Variants in HIBCH observed in about 807,000 individuals in gnomAD.
HIBCH encodes 3-hydroxyisobutyryl-CoA hydrolase, mitochondrial.
In HIBCH, 50 loss-of-function variants were observed where a neutral mutation model predicts 58.2. The observed-to-expected ratio is 0.86, with a 90% confidence interval of 0.68 to 1.09. The LOEUF (loss-of-function observed/expected upper bound fraction) is 1.09, where lower values mean the gene tolerates loss of function less well. Among genes scored for constraint, HIBCH ranks in the 50% least tolerant of loss-of-function variants. The pLI, the probability that HIBCH is intolerant of heterozygous loss-of-function variation, is 0.00. For missense variants in HIBCH, 450 were observed against 449.7 expected (o/e 1.00, Z -0.01); for synonymous variants, 151 against 146.9 (o/e 1.03, Z -0.20).
rs527466122 is a variant in HIBCH at position 190,228,559 on chromosome 2, G to A, written c.892-15484C>T. Among the ~76,000 whole-genome samples the A allele has an allele frequency of 6.7e-3, 1,008 of 150,174 alleles. 11 individuals carry two copies. The highest frequency in any genetic ancestry group is 0.023 in the African/African-American group (914 of 40,218). ...AACTTAAAGTATAATTAAAAAAAAA[G>A]AGAGAGAGAGAACACAGACTGTTCT... is the stretch of plus-strand genomic sequence containing the variant. On this transcript the variant is annotated intron_variant, in intron 11 of 13. Transcript: ENST00000359678.
chr2:190,234,814 T>G (rs1686218259), intron 11 of HIBCH, among the ~76,000 whole-genome samples: 1 of 151,314 alleles, frequency 6.6e-6, no homozygotes, highest in South Asian at 2.1e-4. Context: ...CACTCCAGCC[T>G]GGGTGACAGA....
intron 6 of HIBCH, among the ~76,000 whole-genome samples, chr2:190,270,741 T>C (rs193211136): frequency 6.6e-6 from 1 of 152,360 alleles, no homozygotes; most frequent in East Asian, 1.9e-4. Context: ...TTTCTTAATG[T>C]ATCTCTGGGA....
At chr2:190,305,902 G>A (rs2124848414) in intron 2 of HIBCH, among the ~76,000 whole-genome samples, 1 of 152,180 alleles carries the variant, frequency 6.6e-6, no homozygotes, top group African/African-American at 2.4e-5. Context: ...GGCAACCACA[G>A]GTAAAATGGT....
chr2:190,267,610 T>C (rs1687278926), intron 6 of HIBCH, among the ~76,000 whole-genome samples: 1 of 152,256 alleles, frequency 6.6e-6, no homozygotes, highest in Non-Finnish European at 1.5e-5. Flanking sequence ...TATTGTTCAC[T>C]ATGGAACTCA....
chr2:190,317,447 A>C (rs994774856), intron 1 of HIBCH, among the ~76,000 whole-genome samples: 1 of 152,246 alleles, frequency 6.6e-6, no homozygotes, highest in African/African-American at 2.4e-5. Flanking sequence ...GCTTCCCAGC[A>C]AGTAGAACAG....
intron 6 of HIBCH, among the ~76,000 whole-genome samples, chr2:190,272,887 GC>G (rs1687441473): frequency 6.6e-6 from 1 of 151,960 alleles, no homozygotes; most frequent in African/African-American, 2.4e-5. Context: ...AAAAACAAGG[GC>G]TCTATCTAAT....
intron 10 of HIBCH, chr2:190,245,500 C>T (rs1686580471): frequency 6.5e-6 from 1 of 153,960 alleles, no homozygotes; most frequent in African/African-American, 2.4e-5. Flanking sequence ...AATCTTTTTG[C>T]TGTTCAGCTT....
chr2:190,247,402 T>C (rs1225373240), intron 9 of HIBCH, among the ~76,000 whole-genome samples: 1 of 152,192 alleles, frequency 6.6e-6, no homozygotes, highest in Non-Finnish European at 1.5e-5. Context: ...TATCAAATGC[T>C]CTGATAAAAA....
chr2:190,222,306 C>G (rs1685744438), intron 11 of HIBCH, among the ~76,000 whole-genome samples: 1 of 152,082 alleles, frequency 6.6e-6, no homozygotes, highest in African/African-American at 2.4e-5. Context: ...CCGGCTAGTC[C>G]TAGCACCTGT....
Position 190,254,658 on chromosome 2 carries a change from G to GCC in HIBCH, c.518-2353_518-2352dup, listed in dbSNP as rs1361145121. Among the ~76,000 whole-genome samples the GCC allele has an allele frequency of 2.0e-5, 3 of 152,232 alleles. No individual in the cohort carries two copies. Among genetic ancestry groups the GCC allele is most frequent in the African/African-American group, 7.2e-5 (3 of 41,536 alleles). ...AACTACACTGCTCCTTCCCTCATCA[G>GCC]CCTCATCCATCAAAGTAGCACAAGT... On this transcript the variant is annotated intron_variant, in intron 7 of 13. Coordinates refer to ENST00000359678, the MANE Select transcript of HIBCH (RefSeq NM_014362.4). The surrounding 1 kb of genome is among the most constrained non-coding windows in gnomAD (Gnocchi z 5.0).
chr2:190,263,977 C>T (rs911080321), intron 6 of HIBCH, among the ~76,000 whole-genome samples: 3 of 152,172 alleles, frequency 2.0e-5, no homozygotes, highest in Non-Finnish European at 2.9e-5. Flanking sequence ...ACCATCTACA[C>T]TATTACGACC....
Position 190,215,310 on chromosome 2 carries a change from T to C in HIBCH, c.892-2235A>G, listed in dbSNP as rs1338481007. The C allele has an allele frequency of 6.6e-6, 1 of 152,228 alleles. No individual in the cohort carries two copies. The highest frequency in any genetic ancestry group is 1.9e-4 in the East Asian group (1 of 5,192). 9.4% of individuals were successfully genotyped at this position (152,228 alleles called of 1,614,324 possible). ...GTCCTGCCAACTGAGCAGAAATTCC[T>C]AAATGCAGATCCTGGATGGGATAAC... On this transcript the variant is annotated intron_variant, in intron 11 of 13. Coordinates refer to ENST00000359678, the MANE Select transcript of HIBCH (RefSeq NM_014362.4). The surrounding 1 kb of genome is among the most constrained non-coding windows in gnomAD (Gnocchi z 4.4).
intron 6 of HIBCH, among the ~76,000 whole-genome samples, chr2:190,262,501 C>T (rs1012754520): frequency 6.6e-6 from 1 of 152,178 alleles, no homozygotes; most frequent in African/African-American, 2.4e-5. Flanking sequence ...GTCTTTGGGC[C>T]CCCAGTATAT....
downstream of HIBCH, among the ~76,000 whole-genome samples, chr2:190,199,296 T>C (rs1690126871): frequency 6.6e-6 from 1 of 152,146 alleles, no homozygotes; most frequent in African/African-American, 2.4e-5. Context: ...TCTGCTGTTG[T>C]AGTATGAACG....
chr2:190,220,160 G>GT (rs533491516), intron 11 of HIBCH: 1 of 152,176 alleles, frequency 6.6e-6, no homozygotes, highest in Admixed American at 6.5e-5. Flanking sequence ...ATCTATGATC[G>GT]TGACTTCAAC....
intron 9 of HIBCH, among the ~76,000 whole-genome samples, chr2:190,246,881 G>A (rs1425740906): frequency 2.0e-5 from 3 of 152,288 alleles, no homozygotes; most frequent in Non-Finnish European, 4.4e-5. Context: ...CAAAGTATAA[G>A]AGGGTTCTGC....
intron 1 of HIBCH, among the ~76,000 whole-genome samples, chr2:190,195,401 G>A (rs1371150160): frequency 2.0e-5 from 3 of 152,198 alleles, no homozygotes; most frequent in Non-Finnish European, 4.4e-5. Flanking sequence ...CTGCCAGACT[G>A]TCCTCCCAAG....
intron 7 of HIBCH, among the ~76,000 whole-genome samples, chr2:190,259,365 G>GTGTGTGTGTGTGTC (rs1305957511): frequency 1.1e-4 from 16 of 141,244 alleles, no homozygotes; most frequent in Admixed American, 2.8e-4. Flanking sequence ...GTGTGTGTGT[G>GTGTGTGTGTGTGTC]TGTCTGTCTG....
intron 5 of HIBCH, among the ~76,000 whole-genome samples, chr2:190,289,855 C>T (rs772279475): frequency 1.4e-4 from 22 of 152,056 alleles, no homozygotes; most frequent in Admixed American, 2.0e-4. Context: ...AGAAAGCTAC[C>T]ACATGATGAG....
Sources: allele counts gnomAD v4.1 joint callset (sites outside exome capture counted in the v4.1 genomes callset), GRCh38; gene constraint gnomAD v4.1.1; non-coding constraint Gnocchi (gnomAD v3.1); transcripts MANE v1.5; gene names NCBI Gene and HGNC (gene_info 2026-07-23, HGNC 2026-07-21).